SLCO4C1: variants seen among roughly 807,000 people sequenced by gnomAD.
SLCO4C1 encodes organic anion transporter M1.
A neutral mutation model predicts 72.1 loss-of-function variants in SLCO4C1; 58 were observed. The ratio of observed to expected loss-of-function variants is 0.80; its 90% CI spans 0.65 to 1.00. SLCO4C1 has a LOEUF of 1.00. Ranked by LOEUF, SLCO4C1 falls within the 50% of genes least tolerant of loss-of-function variation. The probability of loss-of-function intolerance (pLI) is 0.00; values close to 1 mark genes in which losing one functional copy is unlikely to be tolerated. For missense variants in SLCO4C1, 898 were observed against 857.9 expected, an observed-to-expected ratio of 1.05 and a Z score of -0.58; for synonymous variants, 297 against 312.5, an observed-to-expected ratio of 0.95 and a Z score of 0.52.
At chr5:102,237,250 T>C (rs1748453982) in intron 12 of SLCO4C1, among the ~76,000 whole-genome samples, 1 of 152,208 alleles carries the variant, frequency 6.6e-6, no homozygotes, top group Non-Finnish European at 1.5e-5. Flanking sequence ...AATAATTAAC[T>C]TATTCTTGGT....
intron 2 of SLCO4C1, among the ~76,000 whole-genome samples, chr5:102,279,828 T>TGATCAC (rs1439992874): frequency 1.3e-5 from 2 of 151,970 alleles, no homozygotes; most frequent in Non-Finnish European, 2.9e-5. Flanking sequence ...CGCATGATCA[T>TGATCAC]GATCACATGA....
intron 8 of SLCO4C1, among the ~76,000 whole-genome samples, chr5:102,252,380 T>C (rs1390088952): frequency 2.0e-5 from 3 of 152,116 alleles, no homozygotes; most frequent in Non-Finnish European, 2.9e-5. Context: ...GTGATCAAGA[T>C]AGTAATCTGC....
At chr5:102,258,187 C>G in intron 6 of SLCO4C1, 100 bp from the exon 7 acceptor site, 1 of 969,414 alleles carries the variant, frequency 1.0e-6, no homozygotes, top group Non-Finnish European at 1.4e-6. Context: ...ATTTTACAAT[C>G]ATCTGTAAAA....
intron 2 of SLCO4C1, among the ~76,000 whole-genome samples, chr5:102,277,329 T>C (rs1323259528): frequency 6.6e-6 from 1 of 151,988 alleles, no homozygotes; most frequent in Non-Finnish European, 1.5e-5. Context: ...CCGGGACTTC[T>C]ACCTCCATCA....
intron 10 of SLCO4C1, among the ~76,000 whole-genome samples, chr5:102,242,049 G>C (rs1487056386): frequency 1.3e-5 from 2 of 152,132 alleles, no homozygotes; most frequent in African/African-American, 2.4e-5. Context: ...AGGGAGAATA[G>C]AGCAATTGTG....
chr5:102,260,676 AT>A (rs1211198302), intron 5 of SLCO4C1, among the ~76,000 whole-genome samples: 2 of 151,742 alleles, frequency 1.3e-5, no homozygotes, highest in African/African-American at 4.8e-5. Context: ...ATCTCTTAAC[AT>A]TTTTTTCTTC....
chr5:102,285,275 A>G (rs543583201), intron 2 of SLCO4C1, among the ~76,000 whole-genome samples: 1 of 151,684 alleles, frequency 6.6e-6, no homozygotes, highest in East Asian at 1.9e-4. Flanking sequence ...ACACACACAT[A>G]TATATTTTTT....
chr5:102,236,660 A>C lies in SLCO4C1; in HGVS notation c.*198T>G. The C allele has an allele frequency of 1.3e-5, 6 of 477,958 alleles. No individual in the cohort carries two copies. The highest frequency in any genetic ancestry group is 2.2e-5 in the Non-Finnish European group (6 of 271,802). 29.6% of individuals were successfully genotyped at this position (477,958 alleles called of 1,614,324 possible). ...TGTGTGTGCTGTGTTTTGAGGCTTT[A>C]CGTGGGCTTTGAAGGCACAGGTCTG... On this transcript the variant is annotated 3_prime_UTR_variant, in exon 13 of 13. Coordinates refer to ENST00000310954, the MANE Select transcript of SLCO4C1 (RefSeq NM_180991.5).
At chr5:102,257,394 G>C in intron 7 of SLCO4C1, 84 bp from the exon 8 acceptor site, 2 of 1,065,448 alleles carry the variant, frequency 1.9e-6, no homozygotes, top group East Asian at 5.5e-5. Flanking sequence ...TCAAAAACAA[G>C]TGTCAATATG....
chr5:102,265,024 G>T (rs1348287223), intron 3 of SLCO4C1, among the ~76,000 whole-genome samples: 2 of 151,770 alleles, frequency 1.3e-5, no homozygotes, highest in African/African-American at 4.8e-5. Context: ...TTATTCATCT[G>T]TTGACGAATA....
chr5:102,255,978 G>C (rs1322857397), intron 8 of SLCO4C1, among the ~76,000 whole-genome samples: 1 of 152,130 alleles, frequency 6.6e-6, no homozygotes, highest in African/African-American at 2.4e-5. Context: ...GGCCGAGCCA[G>C]GCAGATCACT....
chr5:102,268,627 G>A (rs879917594), intron 3 of SLCO4C1, among the ~76,000 whole-genome samples: 1 of 152,060 alleles, frequency 6.6e-6, no homozygotes, highest in Non-Finnish European at 1.5e-5. Flanking sequence ...ATTGTTTTCT[G>A]ATTGTTTTAT....
chr5:102,291,410 C>T lies in SLCO4C1; in HGVS notation c.552G>A (p.Leu184=). ...GTGGCAATGAGAATACAAGTGCTCC[C>T]AGTCCAATCATAAAGGCTGCAAATG... ...WLAFAAFMIG[L]GALVFSLPQF... Residue 184 remains leucine, a synonymous_variant, in exon 2 of 13, where the codon CTG becomes CTA. Coordinates refer to ENST00000310954, the MANE Select transcript of SLCO4C1 (RefSeq NM_180991.5). 1 of 1,614,110 alleles carries T rather than the reference C, an allele frequency of 6.2e-7. No homozygotes were observed. Among genetic ancestry groups the T allele is most frequent in the Admixed American group, 1.7e-5 (1 of 60,024 alleles).
chr5:102,274,399 A>G (rs1303263038), intron 2 of SLCO4C1, among the ~76,000 whole-genome samples: 2 of 152,182 alleles, frequency 1.3e-5, no homozygotes, highest in South Asian at 4.1e-4. Flanking sequence ...AGACAAAAGG[A>G]AATCCACATA....
chr5:102,280,575 T>C (rs1409988657), intron 2 of SLCO4C1, among the ~76,000 whole-genome samples: 1 of 152,118 alleles, frequency 6.6e-6, no homozygotes, highest in Non-Finnish European at 1.5e-5. Context: ...GTTGTATTAG[T>C]TCATTTTCAC....
intron 1 of SLCO4C1, among the ~76,000 whole-genome samples, chr5:102,293,513 A>G (rs1749593267): frequency 6.6e-6 from 1 of 152,210 alleles, no homozygotes; most frequent in Non-Finnish European, 1.5e-5. Context: ...TAGGAAGCAC[A>G]TTAGAAAATT....
At chr5:102,266,046 T>C (rs1749032507) in intron 3 of SLCO4C1, among the ~76,000 whole-genome samples, 1 of 152,174 alleles carries the variant, frequency 6.6e-6, no homozygotes, top group South Asian at 2.1e-4. Context: ...AATTTGTTCC[T>C]ATGTATTTCT....
rs1446984118 is a variant in SLCO4C1, at chr5:102,295,998, C to T, written c.265G>A (p.Gly89Ser). The T allele has an allele frequency of 9.9e-6, 16 of 1,614,232 alleles. No homozygotes were observed. The highest frequency in any genetic ancestry group is 1.3e-5 in the Non-Finnish European group (15 of 1,180,046). Residue 89 changes from glycine (G) to serine (S), a missense_variant, in exon 1 of 13, where the codon GGC becomes AGC. By Grantham distance (56) the Gly-to-Ser change is moderately conservative. Coordinates refer to ENST00000310954, the MANE Select transcript of SLCO4C1 (RefSeq NM_180991.5). Reference sequence around the variant, plus strand: ...CATTGAGGATGGAAGTTCCTCCAGCCGTAAGACCCCTCCTCAAACTCGGAC... The same window carrying T: ...CATTGAGGATGGAAGTTCCTCCAGCTGTAAGACCCCTCCTCAAACTCGGAC... ...SLSEFEEGSYGWRNFHPQCLQ... is the reference protein window; with the variant it reads ...SLSEFEEGSYSWRNFHPQCLQ...
intron 9 of SLCO4C1, among the ~76,000 whole-genome samples, chr5:102,249,297 C>T (rs1221401995): frequency 1.3e-5 from 2 of 151,964 alleles, no homozygotes; most frequent in Non-Finnish European, 2.9e-5. Context: ...ATCGGCAGGA[C>T]TTAAGTATGG....
Sources: gnomAD v4.1 joint callset for allele counts (sites outside exome capture counted in the v4.1 genomes callset) on GRCh38, gnomAD v4.1.1 for gene constraint, MANE v1.5 for transcripts, NCBI Gene and HGNC (gene_info 2026-07-23, HGNC 2026-07-21) for gene names.